The following PIK3C2G variants were observed in gnomAD, a reference collection of about 807,000 sequenced individuals.
The protein encoded by PIK3C2G is phosphatidylinositol-4-phosphate 3-kinase catalytic subunit type 2 gamma, also known as phosphatidylinositol 3-kinase C2 domain-containing subunit gamma.
PIK3C2G carries 168 observed loss-of-function variants against 181.1 expected under a neutral mutation model. That is an observed-to-expected ratio of 0.93 (90% confidence interval 0.82 to 1.05). The LOEUF is 1.05. Ranked by LOEUF, PIK3C2G falls within the 50% of genes least tolerant of loss-of-function variation. The pLI is 0.00. For synonymous variants in PIK3C2G, 573 were observed against 592.2 expected, an observed-to-expected ratio of 0.97 and a Z score of 0.47; for missense variants, 1,869 against 1,732.8, an observed-to-expected ratio of 1.08 and a Z score of -1.40.
At chr12:18,336,122 T>C (rs950105592) in intron 8 of PIK3C2G, among the ~76,000 whole-genome samples, 24 of 152,170 alleles carry the variant, frequency 1.6e-4, no homozygotes, top group African/African-American at 5.8e-4. Flanking sequence ...AACTGAAAGA[T>C]TGGTGTAAAT....
chr12:18,350,325 C>T (rs1940104605), intron 11 of PIK3C2G, among the ~76,000 whole-genome samples: 1 of 152,008 alleles, frequency 6.6e-6, no homozygotes. Context: ...TTAAGTCACT[C>T]ATAAAGTATG....
At chr12:18,414,478 C>T (rs1945055605) in intron 16 of PIK3C2G, among the ~76,000 whole-genome samples, 1 of 151,904 alleles carries the variant, frequency 6.6e-6, no homozygotes, top group African/African-American at 2.4e-5. Flanking sequence ...CATTATACTA[C>T]AAAAAATGGC....
chr12:18,267,441 ATCT>A (rs1485985764), intron 1 of PIK3C2G, among the ~76,000 whole-genome samples: 1 of 152,160 alleles, frequency 6.6e-6, no homozygotes, highest in African/African-American at 2.4e-5. Context: ...CAGAAGTAAG[ATCT>A]TCTTTTATGT....
intron 24 of PIK3C2G, among the ~76,000 whole-genome samples, chr12:18,535,063 C>A (rs1943776414): frequency 6.6e-6 from 1 of 151,916 alleles, no homozygotes; most frequent in African/African-American, 2.4e-5. Flanking sequence ...CCAATTTATA[C>A]CTCAGATTTA....
chr12:18,678,863 C>A, the PIK3C2G span, among the ~76,000 whole-genome samples: 129 of 151,960 alleles, frequency 8.5e-4, no homozygotes, highest in Middle Eastern at 3.4e-3. Context: ...TATCTAGGAC[C>A]AAAAAGCTTG....
chr12:18,701,615 CTCCTCCTCCT>C, the PIK3C2G span: 1 of 37,930 alleles, frequency 2.6e-5, no homozygotes, highest in African/African-American at 3.1e-4. Flanking sequence ...TATCCTCCTC[CTCCTCCTCCT>C]CCTCCTCCTC....
intron 26 of PIK3C2G, among the ~76,000 whole-genome samples, chr12:18,560,725 A>T (rs1200518371): frequency 6.6e-6 from 1 of 152,136 alleles, no homozygotes; most frequent in Non-Finnish European, 1.5e-5. Context: ...TAGTATTTTA[A>T]CAAATACTAA....
Position 18,562,866 on chromosome 12 carries a change from T to C in PIK3C2G, c.3754T>C (p.Leu1252=), listed in dbSNP as rs761882881. 6.2e-7 allele frequency: 1 copy of C among 1,602,434 alleles called. No individual in the cohort carries two copies. The highest frequency in any genetic ancestry group is 2.2e-5 in the East Asian group (1 of 44,730). The change falls in exon 27 of 33, where the codon TTA becomes CTA. Residue 1252 remains leucine (L), a synonymous_variant. Transcript: ENST00000538779. ...TAGGTCGATTGAAAGAGCAACAATT[T>C]TAGGGTTCAGCAAGAAATCCAGTAA... is the stretch of plus-strand genomic sequence containing the variant. ...TTRSIERATI[L]GFSKKSSNLY...
At chr12:18,701,463 C>T in the PIK3C2G span, 14 of 1,612,038 alleles carry the variant, frequency 8.7e-6, no homozygotes, top group Non-Finnish European at 1.0e-5. Context: ...AGAAAACTTT[C>T]CAATCACTTG....
chr12:18,287,214 GA>G (rs897015268), intron 3 of PIK3C2G, among the ~76,000 whole-genome samples: 1 of 151,778 alleles, frequency 6.6e-6, no homozygotes, highest in Non-Finnish European at 1.5e-5. Context: ...GGTTTGCAGT[GA>G]ATTTTTTTTT....
rs544047076 is a variant in PIK3C2G at position 18,362,115 on chromosome 12, C to T, written c.1626-649C>T. On this transcript the variant is annotated intron_variant, in intron 11 of 32. Coordinates refer to ENST00000538779, the MANE Select transcript of PIK3C2G (RefSeq NM_001288772.2). Reference sequence around the variant, plus strand: ...GTTGGACACACGAATCAACTCTTTTCCTACCCAAGGAGAAGCCATAAATTG... The same window carrying T: ...GTTGGACACACGAATCAACTCTTTTTCTACCCAAGGAGAAGCCATAAATTG... 1.4e-4 allele frequency among the ~76,000 whole-genome samples: 22 copies of T among 152,164 alleles called. No individual in the cohort carries two copies. In the East Asian group the frequency reaches 3.9e-3, roughly 27 times the overall value.
chr12:18,385,754 T>TA (rs1219409026), intron 14 of PIK3C2G, among the ~76,000 whole-genome samples: 1 of 151,978 alleles, frequency 6.6e-6, no homozygotes, highest in Non-Finnish European at 1.5e-5. Context: ...TCTTAGTAGA[T>TA]ACGGTTTCAC....
At chr12:18,317,545 A>C (rs1025526300) in intron 6 of PIK3C2G, among the ~76,000 whole-genome samples, 17 of 152,288 alleles carry the variant, frequency 1.1e-4, no homozygotes, top group Admixed American at 5.9e-4. Flanking sequence ...GACAGACAAT[A>C]AACAAATATA....
At chr12:18,593,609 A>T (rs554331427) in intron 29 of PIK3C2G, among the ~76,000 whole-genome samples, 71 of 151,994 alleles carry the variant, frequency 4.7e-4, no homozygotes, top group African/African-American at 1.7e-3. Flanking sequence ...CCTTTAGATA[A>T]TAATGTAAGA....
intron 18 of PIK3C2G, among the ~76,000 whole-genome samples, chr12:18,476,085 C>CA (rs1938961012): frequency 6.6e-6 from 1 of 151,910 alleles, no homozygotes; most frequent in South Asian, 2.1e-4. Context: ...TTTTAAAAAG[C>CA]AAAAAATAAC....
rs56095750 is a variant in PIK3C2G, at chr12:18,642,786, C to CTGTGTGTGTG, written c.4308+2260_4308+2269dup. Among the ~76,000 whole-genome samples the CTGTGTGTGTG allele has an allele frequency of 2.1e-3, 305 of 143,174 alleles. 1 individual carries two copies. Among genetic ancestry groups the CTGTGTGTGTG allele is most frequent in the East Asian group, 5.5e-3 (27 of 4,880 alleles). 93.9% of individuals were successfully genotyped at this position (143,174 alleles called of 152,430 possible). The stretch of plus-strand genomic sequence containing the variant: ...ATTCGGGGCAGTTTTATAAGTGACA[C>CTGTGTGTGTG]TGTGTGTGTGTGTGTGTGTGTGTGT... On this transcript the variant is annotated intron_variant, in intron 32 of 32. Transcript: ENST00000538779.
rs1271419217 is a variant in PIK3C2G at position 18,491,385 on chromosome 12, A to G, written c.2686-66A>G. 3 of 845,108 alleles carry G rather than the reference A, an allele frequency of 3.5e-6. No individual in the cohort carries two copies. The African/African-American group carries it at 5.1e-5, about 14-fold the overall frequency. The allele number at this position is 845,108 out of a possible 1,614,324, so 52.4% of individuals were successfully genotyped here. A position where few individuals can be genotyped will look rare whatever the true frequency, so the allele number is the denominator to read the frequency against. ...TTCATTTAATCAATAGAAGAAAATT[A>G]TAACCTGAAGGAAAAGTCAAGTTCT... On this transcript the variant is annotated intron_variant, in intron 19 of 32. Coordinates refer to ENST00000538779, the MANE Select transcript of PIK3C2G (RefSeq NM_001288772.2).
chr12:18,547,721 A>G (rs1944507365), intron 26 of PIK3C2G, among the ~76,000 whole-genome samples: 1 of 152,032 alleles, frequency 6.6e-6, no homozygotes, highest in Non-Finnish European at 1.5e-5. Context: ...AAGGGAGTCC[A>G]GCAGGTTGTC....
rs542069464 is a variant in PIK3C2G, at chr12:18,505,572, C to T, written c.3323+111C>T. ...GACTTGCTCCCATCTCTCAAATCCCCCCAGGTAATATAAACATGATAATAT... is the reference window on the plus strand; with the variant it reads ...GACTTGCTCCCATCTCTCAAATCCCTCCAGGTAATATAAACATGATAATAT... On this transcript the variant is annotated intron_variant, in intron 24 of 32. Coordinates refer to ENST00000538779, the MANE Select transcript of PIK3C2G (RefSeq NM_001288772.2). 9.4e-6 allele frequency: 6 copies of T among 638,740 alleles called. No homozygotes were observed. In the South Asian group the frequency reaches 2.0e-4, roughly 21 times the overall value. The allele number at this position is 638,740 out of a possible 1,614,324, so 39.6% of individuals were successfully genotyped here. A position where few individuals can be genotyped will look rare whatever the true frequency, so the allele number is the denominator to read the frequency against.
Sources: gnomAD v4.1 joint callset for allele counts (sites outside exome capture counted in the v4.1 genomes callset) on GRCh38, gnomAD v4.1.1 for gene constraint, MANE v1.5 for transcripts, NCBI Gene and HGNC (gene_info 2026-07-23, HGNC 2026-07-21) for gene names.